TICAM2: variants seen among roughly 807,000 people sequenced by gnomAD.
TICAM2 encodes TIR domain containing adaptor molecule 2, also known as TIR domain-containing adapter molecule 2.
In TICAM2, 8 loss-of-function variants were observed where a neutral mutation model predicts 7.3. The ratio of observed to expected loss-of-function variants is 1.10; its 90% CI spans 0.65 to 1.99. The LOEUF is 1.99. Among genes scored for constraint, TICAM2 ranks in the 30% most tolerant of loss-of-function variants. The pLI is 0.00. For missense variants in TICAM2, 304 were observed against 278.8 expected, an observed-to-expected ratio of 1.09 and a Z score of -0.65; for synonymous variants, 113 against 99.6, an observed-to-expected ratio of 1.13 and a Z score of -0.80.
chr5:115,597,309 G>A (rs949612619), intron 1 of TICAM2, among the ~76,000 whole-genome samples: 2 of 152,068 alleles, frequency 1.3e-5, no homozygotes, highest in African/African-American at 2.4e-5. Flanking sequence ...TGCAATCTAT[G>A]GAGATATTTT....
chr5:115,597,008 C>A (rs1182657817), intron 1 of TICAM2, among the ~76,000 whole-genome samples: 1 of 152,160 alleles, frequency 6.6e-6, no homozygotes, highest in Non-Finnish European at 1.5e-5. Context: ...GAACAACTGC[C>A]CAGCAACTTC....
intron 1 of TICAM2, among the ~76,000 whole-genome samples, chr5:115,593,259 G>C (rs1168987950): frequency 6.6e-6 from 1 of 152,044 alleles, no homozygotes; most frequent in Non-Finnish European, 1.5e-5. Context: ...GGAAATAAAA[G>C]AGTCTTCTAT....
chr5:115,600,394 T>G (rs1457099677), intron 1 of TICAM2, among the ~76,000 whole-genome samples: 3 of 152,160 alleles, frequency 2.0e-5, no homozygotes, highest in African/African-American at 7.2e-5. Context: ...TAGATATTAT[T>G]TATAGCCAAG....
chr5:115,588,246 T>A (rs906056365), intron 1 of TICAM2, among the ~76,000 whole-genome samples: 3 of 152,180 alleles, frequency 2.0e-5, no homozygotes, highest in Non-Finnish European at 4.4e-5. Flanking sequence ...CGTCTTAGAA[T>A]TAAGGTCTTA....
chr5:115,598,580 A>T (rs1447841444), intron 1 of TICAM2, among the ~76,000 whole-genome samples: 3 of 152,324 alleles, frequency 2.0e-5, no homozygotes, highest in South Asian at 2.1e-4. Context: ...TGCTCTGGCC[A>T]ACAGACAGAA....
Position 115,579,377 on chromosome 5 carries a change from T to A in TICAM2, c.*1172A>T, listed in dbSNP as rs1754834703. Reference sequence around the variant, plus strand: ...GGAGGGTAAATAGTTTGCCCACAGTTACATTCATCCTCAGTGGCAGAAATT... The same window carrying A: ...GGAGGGTAAATAGTTTGCCCACAGTAACATTCATCCTCAGTGGCAGAAATT... On this transcript the variant is annotated 3_prime_UTR_variant, in exon 2 of 2. Coordinates refer to ENST00000427199, the MANE Select transcript of TICAM2 (RefSeq NM_021649.7). 1 of 152,368 alleles carries A rather than the reference T, an allele frequency of 6.6e-6. No homozygotes were observed. Among genetic ancestry groups the A allele is most frequent in the Admixed American group, 6.5e-5 (1 of 15,276 alleles). The allele number at this position is 152,368 out of a possible 1,614,324, so 9.4% of individuals were successfully genotyped here.
rs1036773835 is a variant in TICAM2, at chr5:115,580,490, G to A, written c.*59C>T. Reference sequence around the variant, plus strand: ...CATTTCCTAGAAACTGCTTTCTCAAGTGAAGATTAATCATTTGGTTTACAA... The same window carrying A: ...CATTTCCTAGAAACTGCTTTCTCAAATGAAGATTAATCATTTGGTTTACAA... On this transcript the variant is annotated 3_prime_UTR_variant, in exon 2 of 2. Coordinates refer to ENST00000427199, the MANE Select transcript of TICAM2 (RefSeq NM_021649.7). 74 of 1,479,974 alleles carry A rather than the reference G, an allele frequency of 5.0e-5. No individual in the cohort carries two copies. Among genetic ancestry groups the A allele is most frequent in the Middle Eastern group, 1.8e-4 (1 of 5,408 alleles). The allele number at this position is 1,479,974 out of a possible 1,614,324, so 91.7% of individuals were successfully genotyped here.
At chr5:115,584,044 G>A (rs991865969) in intron 1 of TICAM2, among the ~76,000 whole-genome samples, 12 of 152,082 alleles carry the variant, frequency 7.9e-5, no homozygotes, top group African/African-American at 2.9e-4. Context: ...AAAAAAGGTG[G>A]TGGTGTGTCT....
At chr5:115,587,095 A>C (rs1325658435) in intron 1 of TICAM2, among the ~76,000 whole-genome samples, 1 of 152,198 alleles carries the variant, frequency 6.6e-6, no homozygotes. Context: ...AAGTCCATGA[A>C]GGAGGAGGCA....
At chr5:115,584,323 C>G (rs961213086) in intron 1 of TICAM2, among the ~76,000 whole-genome samples, 14 of 152,214 alleles carry the variant, frequency 9.2e-5, no homozygotes, top group African/African-American at 3.1e-4. Context: ...TGCTTTTTCC[C>G]TTTATATCTT....
intron 1 of TICAM2, among the ~76,000 whole-genome samples, chr5:115,587,568 T>C (rs529709064): frequency 6.6e-6 from 1 of 152,182 alleles, no homozygotes; most frequent in East Asian, 1.9e-4. Context: ...GATGAAGTGA[T>C]AGTGGAGGTA....
intron 1 of TICAM2, among the ~76,000 whole-genome samples, chr5:115,582,533 TGAAA>T (rs532126061): frequency 2.1e-3 from 326 of 152,170 alleles, no homozygotes; most frequent in Middle Eastern, 0.017. Flanking sequence ...AGATCAACTG[TGAAA>T]GAAAAGTATA....
chr5:115,590,326 C>G (rs1409618736), intron 1 of TICAM2, among the ~76,000 whole-genome samples: 3 of 151,970 alleles, frequency 2.0e-5, no homozygotes, highest in African/African-American at 7.3e-5. Context: ...GAAAAAGTTA[C>G]GTGAATATAA....
At chr5:115,593,965 T>G (rs256944) in intron 1 of TICAM2, among the ~76,000 whole-genome samples, 95,042 of 152,040 alleles carry the variant, frequency 0.63, 30,794 homozygotes, top group African/African-American at 0.82. Context: ...GATTACATGG[T>G]TGATTGTTTT....
intron 1 of TICAM2, among the ~76,000 whole-genome samples, chr5:115,588,760 C>T (rs78543995): frequency 2.6e-4 from 39 of 152,252 alleles, no homozygotes; most frequent in East Asian, 1.4e-3. Context: ...AAATATGCAA[C>T]GAGGCAGAAC....
chr5:115,590,493 T>C (rs760075929), intron 1 of TICAM2, among the ~76,000 whole-genome samples: 49 of 152,354 alleles, frequency 3.2e-4, no homozygotes, highest in Non-Finnish European at 5.3e-4. Flanking sequence ...GGTTGTCTTA[T>C]TGATAGAAAG....
rs1227804676 is a variant in TICAM2, at chr5:115,580,816, A to C, written c.441T>G (p.Thr147=). The change falls in exon 2 of 2, where the codon ACT becomes ACG. Residue 147 remains threonine (T), a synonymous_variant. Coordinates refer to ENST00000427199, the MANE Select transcript of TICAM2 (RefSeq NM_021649.7). ...ACGTATAGAACTGGAAATTACACCA[A>C]GTATCTCTTAAAAAGTTTTCAGTCA... ...LLLTENFLRD[T]WCNFQFYTSL... 1.9e-6 allele frequency: 3 copies of C among 1,602,554 alleles called. No homozygotes were observed. Among genetic ancestry groups the C allele is most frequent in the Non-Finnish European group, 2.6e-6 (3 of 1,173,656 alleles).
intron 1 of TICAM2, among the ~76,000 whole-genome samples, chr5:115,591,995 C>A (rs1755322005): frequency 6.6e-6 from 1 of 152,110 alleles, no homozygotes; most frequent in South Asian, 2.1e-4. Context: ...CACAGTAAAA[C>A]TGCTAAGAGC....
At position 115,581,190 on chromosome 5, in the gene TICAM2, C is replaced by CA; in HGVS notation, c.66dup (p.Val23CysfsTer9). 1 of 1,613,336 alleles carries CA rather than the reference C, an allele frequency of 6.2e-7. No homozygotes were observed. The highest frequency in any genetic ancestry group is 8.5e-7 in the Non-Finnish European group (1 of 1,179,966). Reference sequence around the variant, plus strand: ...TCATGATATCCTGGACTTGTATCCACACTGTGCCTTTTACCCCAAGAGAGA... The same window carrying CA: ...TCATGATATCCTGGACTTGTATCCACAACTGTGCCTTTTACCCCAAGAGAGA... On this transcript the variant is annotated frameshift_variant, in exon 2 of 2. Transcript: ENST00000427199. LOFTEE classifies it low-confidence loss of function (END_TRUNC).
Sources: gnomAD v4.1 joint callset for allele counts (sites outside exome capture counted in the v4.1 genomes callset) on GRCh38, gnomAD v4.1.1 for gene constraint, MANE v1.5 for transcripts, NCBI Gene and HGNC (gene_info 2026-07-23, HGNC 2026-07-21) for gene names.